Variants in RHCE observed in about 807,000 individuals in gnomAD.
The protein encoded by RHCE is Rh blood group CcEe antigens.
RHCE carries 22 observed loss-of-function variants against 43.8 expected under a neutral mutation model. That is an observed-to-expected ratio of 0.50 (90% CI 0.36 to 0.72). The LOEUF (loss-of-function observed/expected upper bound fraction) is 0.72, where lower values mean the gene tolerates loss of function less well. Ranked by LOEUF, RHCE falls within the 30% of genes least tolerant of loss-of-function variation. RHCE has a pLI of 0.00. For synonymous variants in RHCE, 156 were observed against 210.7 expected, an observed-to-expected ratio of 0.74 and a Z score of 2.25; for missense variants, 385 against 525.4, an observed-to-expected ratio of 0.73 and a Z score of 2.61.
At position 25,368,134 on chromosome 1, in the gene RHCE, G is replaced by C. The variant is rs554681048; in HGVS notation, c.1227+2333C>G. ...GCTCCTTGTCTTGATGGTGGTGATGGTCTCTTCAGTGTATAAATACGTTAA... is the reference window on the plus strand; with the variant it reads ...GCTCCTTGTCTTGATGGTGGTGATGCTCTCTTCAGTGTATAAATACGTTAA... On this transcript the variant is annotated intron_variant, in intron 9 of 9. Coordinates refer to ENST00000294413, the MANE Select transcript of RHCE (RefSeq NM_020485.8). 4.1e-3 allele frequency among the ~76,000 whole-genome samples: 614 copies of C among 149,202 alleles called. 23 individuals are homozygous for C. Among genetic ancestry groups the C allele is most frequent in the African/African-American group, 0.014 (555 of 39,452 alleles).
At chr1:25,399,956 A>C (rs928707892) in intron 3 of RHCE, among the ~76,000 whole-genome samples, 1 of 152,196 alleles carries the variant, frequency 6.6e-6, no homozygotes, top group Non-Finnish European at 1.5e-5. Context: ...CTAATGTGAA[A>C]ATGTATTCTG....
At chr1:25,362,677 T>C in intron 9 of RHCE, 124 bp from the exon 10 acceptor site, 4 of 603,982 alleles carry the variant, frequency 6.6e-6, no homozygotes, top group Non-Finnish European at 1.1e-5. Context: ...AAAATCTGAA[T>C]TGGAAGAGAT....
chr1:25,421,231 CAGAG>C (rs58247325), upstream of RHCE, among the ~76,000 whole-genome samples: 2,799 of 152,092 alleles, frequency 0.018, 88 homozygotes, highest in African/African-American at 0.064. Flanking sequence ...TACTACATGA[CAGAG>C]AGGGCACCCA....
intron 1 of RHCE, among the ~76,000 whole-genome samples, chr1:25,410,868 GAT>G (rs1156863881): frequency 1.3e-5 from 2 of 152,034 alleles, no homozygotes; most frequent in South Asian, 4.1e-4. Context: ...GAGGTGGGCA[GAT>G]CATGAGGTCA....
At position 25,408,596 on chromosome 1, in the gene RHCE, G is replaced by A. The variant is rs1390494981; in HGVS notation, c.335+87C>T. 4.6e-5 allele frequency: 41 copies of A among 895,878 alleles called. 7 individuals are homozygous for A. Among genetic ancestry groups the A allele is most frequent in the Non-Finnish European group, 6.3e-5 (39 of 620,916 alleles). The allele number at this position is 895,878 out of a possible 1,614,324, so 55.5% of individuals were successfully genotyped here. ...ACAGCACTGGTGCTAGACAGAGAGG[G>A]GGCAATATCCCAGATCTTCTGGAAC... On this transcript the variant is annotated intron_variant, in intron 2 of 9. Transcript: ENST00000294413.
chr1:25,369,481 C>G (rs1645539279), intron 9 of RHCE, among the ~76,000 whole-genome samples: 1 of 151,546 alleles, frequency 6.6e-6, no homozygotes, highest in Admixed American at 6.6e-5. Context: ...GAGTGTAGGT[C>G]AAAGGGAGGA....
At chr1:25,393,512 C>CT (rs1450332201) in intron 3 of RHCE, among the ~76,000 whole-genome samples, 2 of 152,126 alleles carry the variant, frequency 1.3e-5, no homozygotes, top group East Asian at 3.9e-4. Context: ...TCCCATCTAC[C>CT]TGGGAGGCTG....
At chr1:25,416,404 C>T (rs1280340338) in intron 1 of RHCE, among the ~76,000 whole-genome samples, 1 of 151,956 alleles carries the variant, frequency 6.6e-6, no homozygotes, top group Non-Finnish European at 1.5e-5. Flanking sequence ...GCTGGGACTA[C>T]AGGCACCCGC....
chr1:25,371,768 G>A (rs1272555272), intron 8 of RHCE, among the ~76,000 whole-genome samples: 6 of 151,488 alleles, frequency 4.0e-5, no homozygotes, highest in Admixed American at 3.9e-4. Context: ...CATGGAATGA[G>A]TACTTCCTTT....
chr1:25,398,629 T>C, intron 3 of RHCE: 1 of 656,390 alleles, frequency 1.5e-6, no homozygotes, highest in Non-Finnish European at 2.7e-6. Context: ...TGCAGGAGAC[T>C]GAACCTGTGG....
intron 1 of RHCE, among the ~76,000 whole-genome samples, chr1:25,410,961 G>A (rs563415591): frequency 3.9e-5 from 6 of 151,984 alleles, no homozygotes; most frequent in East Asian, 3.9e-4. Flanking sequence ...ATGTGGTGGC[G>A]GGCACCTGTA....
chr1:25,374,099 G>T (rs1038633932), intron 8 of RHCE, among the ~76,000 whole-genome samples: 5 of 151,044 alleles, frequency 3.3e-5, no homozygotes, highest in African/African-American at 1.2e-4. Context: ...GGGATTACAG[G>T]CGTGAGCCAC....
At position 25,402,453 on chromosome 1, in the gene RHCE, T is replaced by C. The variant is rs1480144142; in HGVS notation, c.486+143A>G. The C allele has an allele frequency of 2.8e-6, 3 of 1,077,124 alleles. No individual in the cohort carries two copies. The African/African-American group carries it at 4.9e-5, about 18-fold the overall frequency. The allele number at this position is 1,077,124 out of a possible 1,614,324, so 66.7% of individuals were successfully genotyped here. A position where few individuals can be genotyped will look rare whatever the true frequency, so the allele number is the denominator to read the frequency against. ...GATGCCCAGGCGGGTCTCAAACTCC[T>C]GGCCTCAAGTGATCTTCCCTCCTCA... On this transcript the variant is annotated intron_variant, in intron 3 of 9. Coordinates refer to ENST00000294413, the MANE Select transcript of RHCE (RefSeq NM_020485.8).
intron 2 of RHCE, among the ~76,000 whole-genome samples, chr1:25,404,894 AT>A (rs1646867644): frequency 6.6e-6 from 1 of 151,932 alleles, no homozygotes; most frequent in South Asian, 2.1e-4. Flanking sequence ...TACATTAAAA[AT>A]ATCACACTTT....
Position 25,408,777 on chromosome 1 carries a change from G to A in RHCE, c.241C>T (p.Leu81Phe). The A allele has an allele frequency of 7.8e-7, 1 of 1,282,906 alleles. No individual in the cohort carries two copies. The highest frequency in any genetic ancestry group is 1.0e-6 in the Non-Finnish European group (1 of 962,822). 79.5% of individuals were successfully genotyped at this position (1,282,906 alleles called of 1,614,324 possible). Reference sequence around the variant, plus strand: ...TGCACACCAAGCGCCAGCATGAAGAGGTTGAAGGCCACACTGCTCCAGCTG... The same window carrying A: ...TGCACACCAAGCGCCAGCATGAAGAAGTTGAAGGCCACACTGCTCCAGCTG... ...RHSWSSVAFN[L>F]FMLALGVQWA... Residue 81 changes from leucine to phenylalanine, a missense_variant, in exon 2 of 10, where the codon CTC becomes TTC. Leu to Phe is a conservative substitution (Grantham distance 22, BLOSUM62 0). Around this residue, in one of 6 missense-constraint regions of RHCE, gnomAD observed 110 missense variants for 192.1 expected, o/e 0.57. Transcript: ENST00000294413.
chr1:25,411,369 T>C (rs41310422), intron 1 of RHCE: 15 of 1,550,570 alleles, frequency 9.7e-6, no homozygotes, highest in Non-Finnish European at 1.2e-5. Context: ...CTGGCTTTGA[T>C]AACAATGAGA....
At chr1:25,420,507 G>A (rs1454583795) in intron 1 of RHCE, 132 bp downstream of exon 1, 13 of 1,571,716 alleles carry the variant, frequency 8.3e-6, no homozygotes, top group African/African-American at 2.7e-5. Flanking sequence ...TGCAATCTAC[G>A]GAAGAAGATG....
chr1:25,375,798 T>C (rs1645767081), intron 7 of RHCE, among the ~76,000 whole-genome samples: 1 of 140,512 alleles, frequency 7.1e-6, no homozygotes, highest in Non-Finnish European at 1.5e-5. Flanking sequence ...TCTCTTTTTT[T>C]TTTTTTTTTT....
intron 2 of RHCE, among the ~76,000 whole-genome samples, chr1:25,402,962 T>G (rs1269689507): frequency 5.3e-5 from 8 of 151,914 alleles, no homozygotes; most frequent in Non-Finnish European, 7.4e-5. Context: ...CCATGTGGTC[T>G]GGCAGATGAC....
Sources: allele counts gnomAD v4.1 joint callset (sites outside exome capture counted in the v4.1 genomes callset), GRCh38; gene constraint gnomAD v4.1.1; regional missense constraint gnomAD v4.1.1; transcripts MANE v1.5; gene names NCBI Gene and HGNC (gene_info 2026-07-23, HGNC 2026-07-21).